WAPL: variants seen among roughly 807,000 people sequenced by gnomAD.
WAPL encodes the protein wings apart-like protein homolog.
A neutral mutation model predicts 121.0 loss-of-function variants in WAPL; 5 were observed. The observed-to-expected ratio is 0.04, with a 90% confidence interval of 0.02 to 0.09. WAPL has a LOEUF of 0.09. Among genes scored for constraint, WAPL ranks in the 10% least tolerant of loss-of-function variants. WAPL has a pLI of 1.00. For missense variants in WAPL, 999 were observed against 1,410.8 expected (o/e 0.71, Z 4.68); for synonymous variants, 480 against 481.5 (o/e 1.00, Z 0.04).
chr10:86,457,818 T>G lies in WAPL; in HGVS notation c.2657+1171A>C, dbSNP rs74346034. Among the ~76,000 whole-genome samples the G allele has an allele frequency of 1.1e-3, 175 of 152,268 alleles. 5 individuals carry two copies. The East Asian group carries it at 0.032, about 28-fold the overall frequency. ...TAAACATAAAATATTAAGCAACTAATAATGTGTGGCATGAAAATGGCACTG... is the reference window on the plus strand; with the variant it reads ...TAAACATAAAATATTAAGCAACTAAGAATGTGTGGCATGAAAATGGCACTG... On this transcript the variant is annotated intron_variant, in intron 12 of 18. Transcript: ENST00000298767.
At chr10:86,518,484 G>T (rs1842603373) in intron 1 of WAPL, among the ~76,000 whole-genome samples, 1 of 152,224 alleles carries the variant, frequency 6.6e-6, no homozygotes, top group Admixed American at 6.5e-5. Flanking sequence ...GAGGCAGGCA[G>T]CTCACTTGAG....
chr10:86,518,979 G>A (rs1842615669), intron 1 of WAPL, among the ~76,000 whole-genome samples: 1 of 152,174 alleles, frequency 6.6e-6, no homozygotes, highest in Non-Finnish European at 1.5e-5. Flanking sequence ...ATAGTGCTGT[G>A]CTCATTTGCT....
intron 2 of WAPL, among the ~76,000 whole-genome samples, chr10:86,504,660 A>G (rs1842310827): frequency 6.6e-6 from 1 of 151,756 alleles, no homozygotes; most frequent in African/African-American, 2.4e-5. Context: ...TCAAAAAAAA[A>G]AAGAAAAAGG....
intron 16 of WAPL, among the ~76,000 whole-genome samples, chr10:86,445,547 A>G (rs370836117): frequency 6.6e-6 from 1 of 151,906 alleles, no homozygotes; most frequent in African/African-American, 2.4e-5. Flanking sequence ...TTTAATGAGA[A>G]AGGGCCTCAC....
rs780616996 is a variant in WAPL, at chr10:86,517,824, T to C, written c.246A>G (p.Leu82=). Reference sequence around the variant, plus strand: ...GGGCTAAATTCTTTGAAGAAACTGGTAGAGACTCATCATCACTATCAAATC... The same window carrying C: ...GGGCTAAATTCTTTGAAGAAACTGGCAGAGACTCATCATCACTATCAAATC... The part of the protein sequence containing the change: ...PFGFDSDDES[L]PVSSKNLAQV... Residue 82 remains leucine (L), a synonymous_variant, in exon 2 of 19, where the codon CTA becomes CTG. Coordinates refer to ENST00000298767, the MANE Select transcript of WAPL (RefSeq NM_015045.5). The C allele has an allele frequency of 1.1e-5, 17 of 1,614,218 alleles. No individual in the cohort carries two copies. In the East Asian group the frequency reaches 3.6e-4, roughly 34 times the overall value.
intron 4 of WAPL, among the ~76,000 whole-genome samples, chr10:86,489,833 A>T (rs1182040983): frequency 6.6e-6 from 1 of 151,606 alleles, no homozygotes; most frequent in Non-Finnish European, 1.5e-5. Context: ...AGAGCCAGAA[A>T]ATCCAGATAC....
At chr10:86,510,408 G>C (rs1045336711) in intron 2 of WAPL, among the ~76,000 whole-genome samples, 1 of 152,072 alleles carries the variant, frequency 6.6e-6, no homozygotes, top group African/African-American at 2.4e-5. Context: ...AAATACTTAG[G>C]GAAAATGCTC....
intron 17 of WAPL, among the ~76,000 whole-genome samples, chr10:86,440,412 C>T (rs192846376): frequency 6.6e-4 from 101 of 151,966 alleles, no homozygotes; most frequent in African/African-American, 2.2e-3. Context: ...CTCAGCCTCC[C>T]GAGTAGCTGG....
Position 86,437,310 on chromosome 10 carries a change from T to C in WAPL, c.*233A>G. 1 of 500,814 alleles carries C rather than the reference T, an allele frequency of 2.0e-6. No individual in the cohort carries two copies. The highest frequency in any genetic ancestry group is 2.8e-5 in the South Asian group (1 of 35,442). 31.0% of individuals were successfully genotyped at this position (500,814 alleles called of 1,614,324 possible). On this transcript the variant is annotated 3_prime_UTR_variant, in exon 19 of 19. Transcript: ENST00000298767. ...GTATTTAAATACTGCATGGAATTGT[T>C]AACAGCCTGAACCTTTTCCCCTCAT... is the stretch of plus-strand genomic sequence containing the variant.
rs745552241 is a variant in WAPL, at chr10:86,517,561, C to G, written c.499+10G>C. 1 of 1,586,558 alleles carries G rather than the reference C, an allele frequency of 6.3e-7. No individual in the cohort carries two copies. Among genetic ancestry groups the G allele is most frequent in the South Asian group, 1.1e-5 (1 of 87,608 alleles). On this transcript the variant is annotated intron_variant, in intron 2 of 18. Coordinates refer to ENST00000298767, the MANE Select transcript of WAPL (RefSeq NM_015045.5). The stretch of plus-strand genomic sequence containing the variant: ...TCTCTTGGCGGAGAATAAAGAAAAT[C>G]AAAACTTACCTGAAGTTATTAATTT...
rs1842579054 is a variant in WAPL, at chr10:86,517,486, AAT to A, written c.499+83_499+84del. The A allele has an allele frequency of 3.4e-6, 5 of 1,461,620 alleles. No homozygotes were observed. In the African/African-American group the frequency reaches 4.3e-5, roughly 13 times the overall value. The allele number at this position is 1,461,620 out of a possible 1,614,324, so 90.5% of individuals were successfully genotyped here. On this transcript the variant is annotated intron_variant, in intron 2 of 18. Transcript: ENST00000298767. ...TATCATAAGTGCAGAAAGAAAACAC[AAT>A]ATATATTTTAGAATTTAAATCATTT...
intron 8 of WAPL, among the ~76,000 whole-genome samples, chr10:86,469,892 CTT>C (rs1039187637): frequency 6.6e-6 from 1 of 152,112 alleles, no homozygotes; most frequent in African/African-American, 2.4e-5. Context: ...AACGAATTCT[CTT>C]TTTTGTTTGT....
chr10:86,481,696 T>TTTTGTCTG (rs1841793301), intron 4 of WAPL, among the ~76,000 whole-genome samples: 1 of 151,990 alleles, frequency 6.6e-6, no homozygotes, highest in East Asian at 1.9e-4. Flanking sequence ...CTGTTTATTT[T>TTTTGTCTG]TATATAAAAA....
intron 2 of WAPL, among the ~76,000 whole-genome samples, chr10:86,506,449 CTA>C (rs577827029): frequency 1.3e-5 from 2 of 152,170 alleles, no homozygotes; most frequent in Non-Finnish European, 1.5e-5. Flanking sequence ...AAAGAAATCA[CTA>C]TGACATCTAA....
chr10:86,441,787 A>G (rs1849477607), intron 17 of WAPL, among the ~76,000 whole-genome samples: 1 of 152,102 alleles, frequency 6.6e-6, no homozygotes, highest in South Asian at 2.1e-4. Flanking sequence ...GGATCACTTG[A>G]GCCCAGGAGT....
At chr10:86,443,101 A>C (rs1849513439) in intron 17 of WAPL, among the ~76,000 whole-genome samples, 174 bp downstream of exon 17, 1 of 151,820 alleles carries the variant, frequency 6.6e-6, no homozygotes, top group Admixed American at 6.6e-5. Flanking sequence ...TTTTTCCTCC[A>C]TAGGAAACAA....
At chr10:86,440,975 G>C (rs998616908) in intron 17 of WAPL, among the ~76,000 whole-genome samples, 1 of 151,324 alleles carries the variant, frequency 6.6e-6, no homozygotes, top group Non-Finnish European at 1.5e-5. Flanking sequence ...GAGCCAGCAT[G>C]AGTTCCTGCT....
chr10:86,482,610 C>T (rs1250236514), intron 4 of WAPL, among the ~76,000 whole-genome samples: 1 of 152,112 alleles, frequency 6.6e-6, no homozygotes, highest in East Asian at 1.9e-4. Flanking sequence ...TGTGTTACAC[C>T]AGGAAGAAAG....
At chr10:86,488,351 T>C (rs1213004304) in intron 4 of WAPL, 1 of 152,232 alleles carries the variant, frequency 6.6e-6, no homozygotes, top group Non-Finnish European at 1.5e-5. Context: ...AATACCATTC[T>C]CCATGAACTG....
Sources: gnomAD v4.1 joint callset for allele counts (sites outside exome capture counted in the v4.1 genomes callset) on GRCh38, gnomAD v4.1.1 for gene constraint, MANE v1.5 for transcripts, NCBI Gene and HGNC (gene_info 2026-07-23, HGNC 2026-07-21) for gene names.